NCAM2: variants seen among roughly 807,000 people sequenced by gnomAD.
NCAM2 encodes N-CAM-2.
Under a neutral mutation model 98.1 loss-of-function variants are expected in NCAM2, and 30 were observed. The observed-to-expected ratio is 0.31, with a 90% CI of 0.23 to 0.41. NCAM2 has a LOEUF of 0.41. NCAM2 is among the 10% of genes least tolerant of loss of function. The pLI, the probability that NCAM2 is intolerant of heterozygous loss-of-function variation, is 1.00. For missense variants in NCAM2, 867 were observed against 1,005.8 expected (o/e 0.86, Z 1.87); for synonymous variants, 368 against 342.4 (o/e 1.07, Z -0.83).
intron 15 of NCAM2, among the ~76,000 whole-genome samples, chr21:21,487,462 T>A (rs555753758): frequency 6.6e-6 from 1 of 152,108 alleles, no homozygotes; most frequent in Non-Finnish European, 1.5e-5. Context: ...AGCTTGTGTG[T>A]TGAGTGTAAG....
rs535565928 is a variant in NCAM2, at chr21:21,029,882, A to G, written c.55+31264A>G. 2.0e-4 allele frequency among the ~76,000 whole-genome samples: 30 copies of G among 152,186 alleles called. 1 individual carries two copies. The South Asian group carries it at 5.8e-3, about 29-fold the overall frequency. ...CCTGACCTCGTGATTCGCCCGCCTG[A>G]GCCTCCCAAAGTGCTGGGATTGTGG... is the stretch of plus-strand genomic sequence containing the variant. On this transcript the variant is annotated intron_variant, in intron 1 of 17. Transcript: ENST00000400546.
intron 12 of NCAM2, among the ~76,000 whole-genome samples, chr21:21,453,997 A>G (rs1248913632): frequency 6.6e-6 from 1 of 152,040 alleles, no homozygotes. Context: ...AAACAGTATG[A>G]TGAAGGTAAG....
intron 1 of NCAM2, among the ~76,000 whole-genome samples, chr21:21,108,020 C>T (rs565413485): frequency 1.5e-4 from 23 of 151,974 alleles, no homozygotes; most frequent in Admixed American, 2.6e-4. Flanking sequence ...AAATTTCACA[C>T]GATAAGCAGG....
intron 1 of NCAM2, among the ~76,000 whole-genome samples, chr21:21,178,249 G>T (rs947774349): frequency 5.9e-5 from 9 of 152,108 alleles, no homozygotes; most frequent in African/African-American, 1.7e-4. Context: ...ATAGAACAGT[G>T]ATAAGGCTGA....
intron 1 of NCAM2, among the ~76,000 whole-genome samples, chr21:21,146,727 A>T (rs1357170410): frequency 1.3e-5 from 2 of 152,128 alleles, no homozygotes; most frequent in Non-Finnish European, 2.9e-5. Context: ...TGAAAAACAT[A>T]CATTATTCAT....
At chr21:21,390,091 A>C (rs1382394657) in intron 9 of NCAM2, among the ~76,000 whole-genome samples, 15 of 151,400 alleles carry the variant, frequency 9.9e-5, no homozygotes, top group Non-Finnish European at 1.9e-4. Flanking sequence ...CTCATGATCC[A>C]CCCTCCTCGG....
At chr21:21,232,173 C>CAGG (rs2070655633) in intron 1 of NCAM2, among the ~76,000 whole-genome samples, 1 of 151,404 alleles carries the variant, frequency 6.6e-6, no homozygotes, top group Non-Finnish European at 1.5e-5. Context: ...CTGTAGATTC[C>CAGG]TGTCACCCAA....
chr21:21,235,140 TAAAA>T (rs1026576879), intron 1 of NCAM2, among the ~76,000 whole-genome samples: 1 of 151,876 alleles, frequency 6.6e-6, no homozygotes, highest in Non-Finnish European at 1.5e-5. Flanking sequence ...GTTAAAACAT[TAAAA>T]AAAGTGGGGA....
At chr21:21,455,433 G>T (rs955693418) in intron 12 of NCAM2, among the ~76,000 whole-genome samples, 1 of 151,584 alleles carries the variant, frequency 6.6e-6, no homozygotes, top group Non-Finnish European at 1.5e-5. Flanking sequence ...TTTAGGAGGA[G>T]ATCCAATAGA....
At chr21:21,342,062 A>C (rs1412053355) in intron 8 of NCAM2, among the ~76,000 whole-genome samples, 1 of 152,168 alleles carries the variant, frequency 6.6e-6, no homozygotes, top group African/African-American at 2.4e-5. Context: ...AAAGTAAGGG[A>C]CTTGAAAAGT....
chr21:21,035,043 G>T lies in NCAM2; in HGVS notation c.55+36425G>T, dbSNP rs1466133514. On this transcript the variant is annotated intron_variant, in intron 1 of 17. Coordinates refer to ENST00000400546, the MANE Select transcript of NCAM2 (RefSeq NM_004540.5). The stretch of plus-strand genomic sequence containing the variant: ...TTGGGTAAATTCCTCTCTTCTCAAG[G>T]TCTCTAAAATATCTTGAGGTTCTCA... 3.3e-5 allele frequency among the ~76,000 whole-genome samples: 5 copies of T among 152,142 alleles called. No homozygotes were observed. The South Asian group carries it at 8.3e-4, about 25-fold the overall frequency.
At chr21:21,412,233 C>T (rs1345485921) in intron 10 of NCAM2, among the ~76,000 whole-genome samples, 1 of 152,170 alleles carries the variant, frequency 6.6e-6, no homozygotes, top group East Asian at 1.9e-4. Context: ...ATGCCCTTTC[C>T]TCTGTGCGCA....
At chr21:21,265,288 T>TACAC (rs2072191080) in intron 1 of NCAM2, among the ~76,000 whole-genome samples, 1 of 131,392 alleles carries the variant, frequency 7.6e-6, no homozygotes, top group Admixed American at 8.1e-5. Context: ...CACATATGTG[T>TACAC]GTATATATAC....
At chr21:21,404,693 C>A (rs772881283) in intron 9 of NCAM2, among the ~76,000 whole-genome samples, 5 of 151,620 alleles carry the variant, frequency 3.3e-5, no homozygotes, top group Non-Finnish European at 7.4e-5. Context: ...GTCAGTATAT[C>A]TATATATACA....
chr21:21,298,458 T>C (rs568293009), intron 5 of NCAM2, among the ~76,000 whole-genome samples: 1 of 151,826 alleles, frequency 6.6e-6, no homozygotes, highest in South Asian at 2.1e-4. Flanking sequence ...TCCCTAATGA[T>C]TTTATTAAAT....
intron 1 of NCAM2, among the ~76,000 whole-genome samples, chr21:21,049,320 A>G (rs1317519015): frequency 6.6e-6 from 1 of 152,172 alleles, no homozygotes; most frequent in Non-Finnish European, 1.5e-5. Context: ...TGCTGATACA[A>G]TTAAACTATA....
At chr21:21,297,426 G>A (rs527323451) in intron 5 of NCAM2, among the ~76,000 whole-genome samples, 1 of 151,682 alleles carries the variant, frequency 6.6e-6, no homozygotes, top group East Asian at 1.9e-4. Flanking sequence ...AAACCTTTCT[G>A]TTCATGAACC....
At chr21:21,348,368 T>C (rs184878478) in intron 8 of NCAM2, among the ~76,000 whole-genome samples, 16 of 152,110 alleles carry the variant, frequency 1.1e-4, no homozygotes, top group African/African-American at 3.9e-4. Context: ...GCACATGAAA[T>C]TAAATACCTA....
chr21:21,433,430 T>C (rs2077386918), intron 12 of NCAM2, among the ~76,000 whole-genome samples: 1 of 151,988 alleles, frequency 6.6e-6, no homozygotes, highest in Non-Finnish European at 1.5e-5. Context: ...AAATTTTGTT[T>C]TGTTTTATTT....
Sources: gnomAD v4.1 joint callset for allele counts (sites outside exome capture counted in the v4.1 genomes callset) on GRCh38, gnomAD v4.1.1 for gene constraint, MANE v1.5 for transcripts, NCBI Gene and HGNC (gene_info 2026-07-23, HGNC 2026-07-21) for gene names.